Variants in GLO1 observed in about 807,000 individuals in gnomAD.
GLO1 encodes the protein lactoylglutathione lyase.
Under a neutral mutation model 26.0 loss-of-function variants are expected in GLO1, and 28 were observed. The ratio of observed to expected loss-of-function variants is 1.08; its 90% CI spans 0.80 to 1.48. The LOEUF is 1.48. GLO1 is among the 40% of genes most tolerant of loss of function. GLO1 has a pLI of 0.00. For synonymous variants in GLO1, 78 were observed against 77.6 expected (o/e 1.00, Z -0.03); for missense variants, 225 against 224.8 (o/e 1.00, Z -0.01).
chr6:38,681,109 G>C (rs1439073589), intron 5 of GLO1, among the ~76,000 whole-genome samples: 2 of 152,032 alleles, frequency 1.3e-5, no homozygotes, highest in Non-Finnish European at 2.9e-5. Context: ...TGTCGCCCAG[G>C]CTGGAGTGCA....
rs773208836 is a variant in GLO1, at chr6:38,684,403, G to T, written c.279C>A (p.Leu93=). 1.2e-5 allele frequency: 19 copies of T among 1,547,134 alleles called. No homozygotes were observed. The South Asian group carries it at 2.3e-4, about 19-fold the overall frequency. ...KEKDEKIAWA[L]SRKATLELTH... ...TCAGCTCAAGTGTAGCTTTTCTGGAGAGCGCCCAGGCTATTTTTTCATCTT... is the reference window on the plus strand; with the variant it reads ...TCAGCTCAAGTGTAGCTTTTCTGGATAGCGCCCAGGCTATTTTTTCATCTT... The change falls in exon 3 of 6, where the codon CTC becomes CTA. Residue 93 remains leucine (L), a synonymous_variant. Transcript: ENST00000373365.
At chr6:38,694,572 G>T (rs1418322681) in intron 1 of GLO1, among the ~76,000 whole-genome samples, 1 of 152,034 alleles carries the variant, frequency 6.6e-6, no homozygotes, top group East Asian at 1.9e-4. Flanking sequence ...CCAGCTCCTT[G>T]GGAGGCTGAG....
intron 1 of GLO1, 133 bp from the exon 2 acceptor site, chr6:38,687,107 G>T: frequency 7.0e-7 from 1 of 1,435,292 alleles, no homozygotes; most frequent in South Asian, 1.6e-5. Flanking sequence ...TCTCTGCTCA[G>T]TGGTATCTTC....
rs1761242957 is a variant in GLO1, at chr6:38,676,338, G to A, written c.*957C>T. 6.6e-6 allele frequency: 1 copy of A among 152,094 alleles called. No individual in the cohort carries two copies. The highest frequency in any genetic ancestry group is 1.5e-5 in the Non-Finnish European group (1 of 68,020). 9.4% of individuals were successfully genotyped at this position (152,094 alleles called of 1,614,324 possible). A position where few individuals can be genotyped will look rare whatever the true frequency, so the allele number is the denominator to read the frequency against. On this transcript the variant is annotated 3_prime_UTR_variant, in exon 6 of 6. Transcript: ENST00000373365. ...TTTATGAGAAATATAAACATCACTT[G>A]TGTAGGAATCACCAGGTGTCCCTAG...
Position 38,702,976 on chromosome 6 carries a change from T to C in GLO1, c.79A>G (p.Thr27Ala). The change falls in exon 1 of 6, where the codon ACC becomes GCC. Residue 27 changes from threonine (T) to alanine (A), a missense_variant. Physicochemically the swap from Thr to Ala is moderately conservative, Grantham distance 58. Transcript: ENST00000373365. ...CCCTTCGGTCCTGTGCCCACCTTGG[T>C]ACTGGGGTCCGCGTCGGAGCAGCAA... ...LSCCSDADPS[T>A]KDFLLQQTML... 2 of 1,561,856 alleles carry C rather than the reference T, an allele frequency of 1.3e-6. No individual in the cohort carries two copies. Among genetic ancestry groups the C allele is most frequent in the Middle Eastern group, 1.7e-4 (1 of 5,894 alleles).
chr6:38,682,148 T>A, intron 4 of GLO1, 47 bp from the exon 5 acceptor site: 1 of 1,001,124 alleles, frequency 1.0e-6, no homozygotes, highest in Non-Finnish European at 1.6e-6. Flanking sequence ...AAGAAATAAT[T>A]ATAACAGGGT....
chr6:38,678,242 T>C (rs906218354), intron 5 of GLO1, among the ~76,000 whole-genome samples: 6 of 152,152 alleles, frequency 3.9e-5, no homozygotes, highest in African/African-American at 1.2e-4. Context: ...TTGGTTTGAC[T>C]CTTATCTCTG....
chr6:38,681,757 G>A (rs995242789), intron 5 of GLO1, among the ~76,000 whole-genome samples: 8 of 152,188 alleles, frequency 5.3e-5, no homozygotes, highest in African/African-American at 1.9e-4. Flanking sequence ...TCGGGCAGTG[G>A]GAGAGGAAGC....
intron 5 of GLO1, among the ~76,000 whole-genome samples, chr6:38,679,032 A>G (rs144510884): frequency 5.3e-5 from 8 of 152,216 alleles, no homozygotes; most frequent in Non-Finnish European, 1.0e-4. Context: ...AAAAATAATA[A>G]TTTGAGAAAC....
intron 5 of GLO1, among the ~76,000 whole-genome samples, chr6:38,681,541 G>A (rs1469860966): frequency 6.6e-6 from 1 of 151,916 alleles, no homozygotes; most frequent in East Asian, 1.9e-4. Flanking sequence ...TCCATACGTA[G>A]GCTATTTCAA....
At chr6:38,686,045 C>A (rs1481382518) in intron 2 of GLO1, among the ~76,000 whole-genome samples, 1 of 152,184 alleles carries the variant, frequency 6.6e-6, no homozygotes, top group Non-Finnish European at 1.5e-5. Context: ...TTCAATAAAT[C>A]TGTTTTCATT....
Position 38,677,099 on chromosome 6 carries a change from A to C in GLO1, c.*196T>G. On this transcript the variant is annotated 3_prime_UTR_variant, in exon 6 of 6. Coordinates refer to ENST00000373365, the MANE Select transcript of GLO1 (RefSeq NM_006708.3). ...ACACAACTATATTCAAGGACATGAGATAAAGCACTGCTTGAAAACCAGAAT... is the reference window on the plus strand; with the variant it reads ...ACACAACTATATTCAAGGACATGAGCTAAAGCACTGCTTGAAAACCAGAAT... 1 of 598,752 alleles carries C rather than the reference A, an allele frequency of 1.7e-6. No homozygotes were observed. Among genetic ancestry groups the C allele is most frequent in the East Asian group, 2.8e-5 (1 of 35,164 alleles). 37.1% of individuals were successfully genotyped at this position (598,752 alleles called of 1,614,324 possible).
In GLO1 at chr6:38,699,895, C is replaced by T. The variant is rs185349472; in HGVS notation, c.84+3076G>A. ...CCTTTGCCTTGTGATCTTTGTTGGA[C>T]CCTTATCAGTAGTTCTGCTTTTGCC... On this transcript the variant is annotated intron_variant, in intron 1 of 5. Coordinates refer to ENST00000373365, the MANE Select transcript of GLO1 (RefSeq NM_006708.3). Among the ~76,000 whole-genome samples, 5 of 152,244 alleles carry T rather than the reference C, an allele frequency of 3.3e-5. No homozygotes were observed. In the East Asian group the frequency reaches 9.6e-4, roughly 29 times the overall value.
chr6:38,693,703 AT>A lies in GLO1; in HGVS notation c.85-6730del, dbSNP rs529286086. On this transcript the variant is annotated intron_variant, in intron 1 of 5. Transcript: ENST00000373365. ...TCTCTCTCTATATATATATATATAT[AT>A]ATTTGTTTTGTTTTGTTTTGTTTTG... Among the ~76,000 whole-genome samples, 586 of 139,470 alleles carry A rather than the reference AT, an allele frequency of 4.2e-3. 4 individuals are homozygous for A. Among genetic ancestry groups the A allele is most frequent in the African/African-American group, 0.016 (564 of 35,438 alleles). The allele number at this position is 139,470 out of a possible 152,430, so 91.5% of individuals were successfully genotyped here.
At position 38,699,752 on chromosome 6, in the gene GLO1, A is replaced by C. The variant is rs146486073; in HGVS notation, c.84+3219T>G. ...GGTGGGGAAAAAACTTCACCCTAGT[A>C]AATTTGTGGTCAGACCGCTTCTCTG... On this transcript the variant is annotated intron_variant, in intron 1 of 5. Coordinates refer to ENST00000373365, the MANE Select transcript of GLO1 (RefSeq NM_006708.3). Among the ~76,000 whole-genome samples, 23 of 152,198 alleles carry C rather than the reference A, an allele frequency of 1.5e-4. 1 individual carries two copies. Among genetic ancestry groups the C allele is most frequent in the African/African-American group, 5.5e-4 (23 of 41,528 alleles).
intron 1 of GLO1, among the ~76,000 whole-genome samples, chr6:38,690,728 CA>C (rs34326667): frequency 1.3e-5 from 2 of 151,472 alleles, no homozygotes; most frequent in Admixed American, 6.6e-5. Flanking sequence ...CTATACGTGG[CA>C]AAAAAAGTAA....
At chr6:38,678,336 GAGAA>G (rs1294641688) in intron 5 of GLO1, among the ~76,000 whole-genome samples, 2 of 150,260 alleles carry the variant, frequency 1.3e-5, no homozygotes, top group African/African-American at 4.9e-5. Flanking sequence ...GAAAGAGAAA[GAGAA>G]AGAGAGAAAG....
intron 5 of GLO1, among the ~76,000 whole-genome samples, chr6:38,678,362 G>A (rs575240197): frequency 2.6e-5 from 4 of 151,874 alleles, no homozygotes; most frequent in African/African-American, 7.2e-5. Context: ...GAGAAGGAAG[G>A]AAGGAGGGAG....
chr6:38,682,544 T>TAA (rs141004952), intron 4 of GLO1, among the ~76,000 whole-genome samples: 10 of 148,790 alleles, frequency 6.7e-5, no homozygotes, highest in African/African-American at 2.5e-4. Flanking sequence ...ACAGCTTTTT[T>TAA]AAAAAAAAAA....
Sources: allele counts gnomAD v4.1 joint callset (sites outside exome capture counted in the v4.1 genomes callset), GRCh38; gene constraint gnomAD v4.1.1; transcripts MANE v1.5; gene names NCBI Gene and HGNC (gene_info 2026-07-23, HGNC 2026-07-21).